Variants in THEM4 observed in about 807,000 individuals in gnomAD.
THEM4 encodes acyl-coenzyme A thioesterase THEM4.
In THEM4, 22 loss-of-function variants were observed where a neutral mutation model predicts 25.0. The observed-to-expected ratio is 0.88, with a 90% CI of 0.63 to 1.26. The LOEUF (loss-of-function observed/expected upper bound fraction) is 1.26, where lower values mean the gene tolerates loss of function less well. Ranked by LOEUF, THEM4 falls within the 50% of genes most tolerant of loss-of-function variation. The pLI is 0.00. For synonymous variants in THEM4, 113 were observed against 105.6 expected (o/e 1.07, Z -0.43); for missense variants, 286 against 300.3 (o/e 0.95, Z 0.35).
intron 1 of THEM4, among the ~76,000 whole-genome samples, chr1:151,895,664 CT>C (rs1654206157): frequency 7.8e-6 from 1 of 127,390 alleles, no homozygotes; most frequent in Non-Finnish European, 1.6e-5. Flanking sequence ...AATTAGCCAG[CT>C]GGAAAAAGTA....
chr1:151,887,082 A>G (rs1225020671), intron 4 of THEM4, among the ~76,000 whole-genome samples: 1 of 152,230 alleles, frequency 6.6e-6, no homozygotes, highest in East Asian at 1.9e-4. Flanking sequence ...CAACACAGAA[A>G]AAGCAGTTGC....
intron 5 of THEM4, 46 bp downstream of exon 5, chr1:151,876,955 C>T: frequency 1.9e-6 from 3 of 1,553,400 alleles, no homozygotes; most frequent in Non-Finnish European, 2.6e-6. Context: ...AAACTCCCAA[C>T]CCAACCCAAC....
intron 2 of THEM4, chr1:151,889,855 G>A (rs1228569806): frequency 2.6e-5 from 4 of 155,490 alleles, no homozygotes; most frequent in African/African-American, 9.7e-5. Flanking sequence ...AACTGGCAGT[G>A]AGAACCATTA....
At chr1:151,909,263 G>A in intron 1 of THEM4, 97 bp downstream of exon 1, 1 of 1,008,286 alleles carries the variant, frequency 9.9e-7, no homozygotes, top group Non-Finnish European at 1.4e-6. Context: ...TTCTGAGATT[G>A]GCTGGTTGGG....
chr1:151,881,371 C>CT (rs781140105), intron 4 of THEM4, among the ~76,000 whole-genome samples: 35 of 152,290 alleles, frequency 2.3e-4, no homozygotes, highest in Non-Finnish European at 4.6e-4. Flanking sequence ...CTTATAGACT[C>CT]TATTTAGATT....
chr1:151,873,263 T>C lies in THEM4; in HGVS notation c.*1625A>G, dbSNP rs926038899. Among the ~76,000 whole-genome samples the C allele has an allele frequency of 4.6e-5, 7 of 152,158 alleles. No individual in the cohort carries two copies. Among genetic ancestry groups the C allele is most frequent in the Non-Finnish European group, 1.0e-4 (7 of 68,026 alleles). The stretch of plus-strand genomic sequence containing the variant: ...ATTTTCCTGCTGACCTTCTCCCCAC[T>C]ATCACCCTGTTCTCCTGCTGCATTC... On this transcript the variant is annotated 3_prime_UTR_variant, in exon 6 of 6. Coordinates refer to ENST00000368814, the MANE Select transcript of THEM4 (RefSeq NM_053055.5).
intron 1 of THEM4, among the ~76,000 whole-genome samples, chr1:151,904,835 G>T (rs1452060072): frequency 2.6e-5 from 4 of 152,020 alleles, no homozygotes; most frequent in Non-Finnish European, 5.9e-5. Flanking sequence ...TGAAAAGAAA[G>T]GTTTTTCTTA....
chr1:151,881,590 G>C (rs544135082), intron 4 of THEM4, among the ~76,000 whole-genome samples: 1 of 152,278 alleles, frequency 6.6e-6, no homozygotes, highest in Admixed American at 6.5e-5. Context: ...CTGAGAGCAT[G>C]ATTTTAGATC....
In THEM4 at chr1:151,873,203, G is replaced by A. The variant is rs984331330; in HGVS notation, c.*1685C>T. ...ACATCTGGGCATAGTACCTTCCCTT[G>A]AACTTATTTGTAACACAGATTCCTT... On this transcript the variant is annotated 3_prime_UTR_variant, in exon 6 of 6. Transcript: ENST00000368814. Among the ~76,000 whole-genome samples the A allele has an allele frequency of 6.6e-6, 1 of 152,162 alleles. No homozygotes were observed. The highest frequency in any genetic ancestry group is 2.4e-5 in the African/African-American group (1 of 41,436).
At chr1:151,880,579 A>G (rs1653791081) in intron 4 of THEM4, among the ~76,000 whole-genome samples, 2 of 152,126 alleles carry the variant, frequency 1.3e-5, no homozygotes, top group South Asian at 4.1e-4. Flanking sequence ...TATACTCTTT[A>G]TTAGACGCAT....
At chr1:151,875,787 G>A (rs1169317792) in intron 5 of THEM4, among the ~76,000 whole-genome samples, 1 of 151,974 alleles carries the variant, frequency 6.6e-6, no homozygotes, top group African/African-American at 2.4e-5. Context: ...AGAGAAGATG[G>A]GAATCTAAAG....
At chr1:151,894,126 G>A (rs1162274210) in intron 2 of THEM4, among the ~76,000 whole-genome samples, 3 of 152,158 alleles carry the variant, frequency 2.0e-5, no homozygotes, top group East Asian at 1.9e-4. Context: ...GTCTCCCAAA[G>A]TGCTGGGATT....
chr1:151,879,563 C>T (rs563033289), intron 4 of THEM4, among the ~76,000 whole-genome samples: 7 of 151,468 alleles, frequency 4.6e-5, no homozygotes, highest in African/African-American at 1.5e-4. Flanking sequence ...GTGCTGTTTT[C>T]TAATTATTGG....
Position 151,889,395 on chromosome 1 carries a change from G to A in THEM4, c.287-22C>T, listed in dbSNP as rs759364910. ...GGGTCTATAGAAAATGAGGTGGATG[G>A]CAAATGAGAAACAAGGGTGAGAGAA... On this transcript the variant is annotated intron_variant, in intron 2 of 5. Transcript: ENST00000368814. 2.5e-6 allele frequency: 4 copies of A among 1,608,384 alleles called. No individual in the cohort carries two copies. In the Admixed American group the frequency reaches 6.7e-5, roughly 27 times the overall value.
At chr1:151,882,372 CAA>C (rs35928322) in intron 4 of THEM4, among the ~76,000 whole-genome samples, 284 of 104,960 alleles carry the variant, frequency 2.7e-3, no homozygotes, top group Middle Eastern at 0.014. Flanking sequence ...GACTCCATCT[CAA>C]AAAAAAAAAA....
At position 151,874,593 on chromosome 1, in the gene THEM4, T is replaced by C; in HGVS notation, c.*295A>G. On this transcript the variant is annotated 3_prime_UTR_variant, in exon 6 of 6. Transcript: ENST00000368814. ...TTTCATCGTGTTGCCCAGACTGATC[T>C]TGAACTCCTGAGCTCAGGCAATCCG... The C allele has an allele frequency of 2.3e-6, 1 of 444,042 alleles. No homozygotes were observed. Among genetic ancestry groups the C allele is most frequent in the East Asian group, 4.0e-5 (1 of 25,170 alleles). The allele number at this position is 444,042 out of a possible 1,614,324, so 27.5% of individuals were successfully genotyped here.
At chr1:151,905,593 G>A (rs1299311886) in intron 1 of THEM4, among the ~76,000 whole-genome samples, 2 of 152,190 alleles carry the variant, frequency 1.3e-5, no homozygotes, top group African/African-American at 4.8e-5. Flanking sequence ...CCCGGGTGTA[G>A]TCTTGATAAC....
At chr1:151,884,028 T>C (rs950532259) in intron 4 of THEM4, among the ~76,000 whole-genome samples, 2 of 151,326 alleles carry the variant, frequency 1.3e-5, no homozygotes, top group African/African-American at 2.4e-5. Context: ...TGAGCTGAGA[T>C]TGCGCCACTG....
At chr1:151,887,282 T>C (rs1336334495) in intron 4 of THEM4, among the ~76,000 whole-genome samples, 1 of 151,902 alleles carries the variant, frequency 6.6e-6, no homozygotes, top group East Asian at 1.9e-4. Flanking sequence ...TACAAAAAAT[T>C]AGCCAGCTGT....
Sources: allele counts gnomAD v4.1 joint callset (sites outside exome capture counted in the v4.1 genomes callset), GRCh38; gene constraint gnomAD v4.1.1; transcripts MANE v1.5; gene names NCBI Gene and HGNC (gene_info 2026-07-23, HGNC 2026-07-21).